Variants in DCHS2 observed in about 807,000 individuals in gnomAD.
DCHS2 encodes protocadherin-23.
A neutral mutation model predicts 182.4 loss-of-function variants in DCHS2; 142 were observed. The observed-to-expected ratio is 0.78, with a 90% confidence interval of 0.68 to 0.89. DCHS2 has a LOEUF of 0.89. Ranked by LOEUF, DCHS2 falls within the 40% of genes least tolerant of loss-of-function variation. The pLI, the probability that DCHS2 is intolerant of heterozygous loss-of-function variation, is 0.00. For missense variants in DCHS2, 4,319 were observed against 4,198.6 expected, an observed-to-expected ratio of 1.03 and a Z score of -0.79; for synonymous variants, 1,740 against 1,663.3, an observed-to-expected ratio of 1.05 and a Z score of -1.12.
chr4:154,470,271 T>C (rs909122523), intron 1 of DCHS2, among the ~76,000 whole-genome samples: 1 of 152,040 alleles, frequency 6.6e-6, no homozygotes, highest in African/African-American at 2.4e-5. Context: ...TGAGCCTCAA[T>C]TGAGGAGTTT....
intron 3 of DCHS2, among the ~76,000 whole-genome samples, chr4:154,344,025 G>C (rs1366086125): frequency 1.4e-5 from 2 of 142,572 alleles, no homozygotes; most frequent in Non-Finnish European, 3.1e-5. Flanking sequence ...GCTGTGTCTT[G>C]GGGATTAGGG....
At chr4:154,319,780 T>C (rs140197224) in intron 9 of DCHS2, among the ~76,000 whole-genome samples, 7 of 152,186 alleles carry the variant, frequency 4.6e-5, no homozygotes, top group Non-Finnish European at 1.5e-5. Flanking sequence ...AGTATGGATG[T>C]TCCTCAAAAC....
At chr4:154,443,445 C>T (rs1300103721) in intron 1 of DCHS2, among the ~76,000 whole-genome samples, 1 of 152,188 alleles carries the variant, frequency 6.6e-6, no homozygotes, top group African/African-American at 2.4e-5. Context: ...CCTCTACCAC[C>T]TGCACTCTGA....
chr4:154,451,176 G>C (rs907794908), intron 1 of DCHS2, among the ~76,000 whole-genome samples: 1 of 152,208 alleles, frequency 6.6e-6, no homozygotes, highest in Non-Finnish European at 1.5e-5. Context: ...ATGGCTTGAA[G>C]TGCCAGAGGC....
In DCHS2 at chr4:154,391,644, G is replaced by A. The variant is rs192699685; in HGVS notation, c.2053-14200C>T. Among the ~76,000 whole-genome samples the A allele has an allele frequency of 3.9e-5, 6 of 152,246 alleles. No homozygotes were observed. In the East Asian group the frequency reaches 7.7e-4, roughly 20 times the overall value. On this transcript the variant is annotated intron_variant, in intron 1 of 19. Coordinates refer to ENST00000357232, the MANE Select transcript of DCHS2 (RefSeq NM_001358235.2). ...TCATCTGACATCTCAACACCCTCTC[G>A]ACACCTTATGGGTTGGATTGTATTG...
At chr4:154,287,450 T>G (rs1427705608) in intron 13 of DCHS2, among the ~76,000 whole-genome samples, 1 of 152,096 alleles carries the variant, frequency 6.6e-6, no homozygotes. Context: ...AACAAAAAGT[T>G]GAAAAGTGAG....
chr4:154,395,387 G>A (rs537275400), intron 1 of DCHS2, among the ~76,000 whole-genome samples: 8 of 152,226 alleles, frequency 5.3e-5, no homozygotes, highest in Admixed American at 2.6e-4. Context: ...TTCAGCTGAA[G>A]GTTCTTGGCC....
At position 154,239,317 on chromosome 4, in the gene DCHS2, GA is replaced by G; in HGVS notation, c.7360-16del. The G allele has an allele frequency of 6.2e-7, 1 of 1,610,726 alleles. No individual in the cohort carries two copies. Among genetic ancestry groups the G allele is most frequent in the Admixed American group, 1.7e-5 (1 of 59,168 alleles). ...GGAACTGTGACCTGAGGGAAAAAGA[GA>G]AAAATAGGGACATTGTGCTTAAAGG... On this transcript the variant is annotated splice_polypyrimidine_tract_variant and intron_variant, in intron 18 of 19. Coordinates refer to ENST00000357232, the MANE Select transcript of DCHS2 (RefSeq NM_001358235.2).
chr4:154,331,825 G>A (rs1736542303), intron 5 of DCHS2: 1 of 1,165,844 alleles, frequency 8.6e-7, no homozygotes, highest in Non-Finnish European at 1.1e-6. Context: ...GTATAGATAT[G>A]TTTCATTGTA....
chr4:154,259,827 A>C, intron 14 of DCHS2, 71 bp from the exon 15 acceptor site: 1 of 1,422,156 alleles, frequency 7.0e-7, no homozygotes, highest in Non-Finnish European at 9.3e-7. Flanking sequence ...TATTTTATTT[A>C]TTTATTTAGT....
At chr4:154,343,713 CT>C in intron 3 of DCHS2, 1 of 1,319,354 alleles carries the variant, frequency 7.6e-7, no homozygotes. Flanking sequence ...GATGTGGCTG[CT>C]TTGATCTATC....
chr4:154,490,859 CG>C lies in DCHS2; in HGVS notation c.496del (p.Arg166AlafsTer81). The C allele has an allele frequency of 6.4e-7, 1 of 1,551,550 alleles. No individual in the cohort carries two copies. ...RVNDVNDHSP[R>X]FPLDSLQLDV... Reference sequence around the variant, plus strand: ...GAGTTGCAGGGAGTCGAGGGGAAAGCGGGGCGAGTGGTCATTCACGTCGTTG... The same window carrying C: ...GAGTTGCAGGGAGTCGAGGGGAAAGCGGGCGAGTGGTCATTCACGTCGTTG... On this transcript the variant is annotated frameshift_variant, in exon 1 of 20. Transcript: ENST00000357232. LOFTEE classifies it high-confidence loss of function.
chr4:154,311,157 C>T (rs948208841), intron 10 of DCHS2, among the ~76,000 whole-genome samples: 3 of 152,136 alleles, frequency 2.0e-5, no homozygotes, highest in East Asian at 1.9e-4. Context: ...AAATTTTATC[C>T]TCCTCTTCCT....
chr4:154,457,577 A>G (rs762900532), intron 1 of DCHS2, among the ~76,000 whole-genome samples: 86 of 152,180 alleles, frequency 5.7e-4, no homozygotes, highest in Non-Finnish European at 6.9e-4. Context: ...TTTTCTTCAC[A>G]AGAAAAGCTT....
intron 10 of DCHS2, among the ~76,000 whole-genome samples, chr4:154,308,173 T>C (rs1018728923): frequency 3.3e-5 from 5 of 151,782 alleles, no homozygotes; most frequent in Non-Finnish European, 5.9e-5. Context: ...CCAATGACCT[T>C]CTGATTATAA....
intron 1 of DCHS2, among the ~76,000 whole-genome samples, chr4:154,444,871 A>G (rs1351077595): frequency 6.6e-6 from 1 of 152,130 alleles, no homozygotes; most frequent in Non-Finnish European, 1.5e-5. Context: ...CTCCAGCCAC[A>G]GTGCCCTCCT....
chr4:154,260,913 C>G (rs1007089632), intron 14 of DCHS2, among the ~76,000 whole-genome samples: 3 of 152,128 alleles, frequency 2.0e-5, no homozygotes, highest in African/African-American at 7.2e-5. Context: ...GAGGGTGATG[C>G]CATACTCTAG....
In DCHS2 at chr4:154,236,853, AC is replaced by A; in HGVS notation, c.7798del (p.Val2600TrpfsTer46). 6.2e-7 allele frequency: 1 copy of A among 1,614,092 alleles called. No homozygotes were observed. Among genetic ancestry groups the A allele is most frequent in the Non-Finnish European group, 8.5e-7 (1 of 1,179,968 alleles). On this transcript the variant is annotated frameshift_variant, in exon 20 of 20. Coordinates refer to ENST00000357232, the MANE Select transcript of DCHS2 (RefSeq NM_001358235.2). LOFTEE classifies it low-confidence loss of function (END_TRUNC). The stretch of plus-strand genomic sequence containing the variant: ...TTCTGAATGAAAGAACTTAGTTTCC[AC>A]ATGAAAATTGTTCTGTGAATTACCA... The part of the protein sequence containing the change: ...ISGNSQNNFH[V>X]ETKFFHSEYP...
At chr4:154,441,132 G>A (rs1733995218) in intron 1 of DCHS2, among the ~76,000 whole-genome samples, 1 of 152,172 alleles carries the variant, frequency 6.6e-6, no homozygotes, top group Non-Finnish European at 1.5e-5. Context: ...AGGATGCAAA[G>A]TCTTTGCTGG....
Sources: allele counts gnomAD v4.1 joint callset (sites outside exome capture counted in the v4.1 genomes callset), GRCh38; gene constraint gnomAD v4.1.1; transcripts MANE v1.5; gene names NCBI Gene and HGNC (gene_info 2026-07-23, HGNC 2026-07-21).